Variants in CAMSAP2 observed in about 807,000 individuals in gnomAD.
The protein encoded by CAMSAP2 is calmodulin regulated spectrin associated protein family member 2, also known as calmodulin-regulated spectrin-associated protein 2.
CAMSAP2 carries 26 observed loss-of-function variants against 146.1 expected under a neutral mutation model. That is an observed-to-expected ratio of 0.18 (90% CI 0.13 to 0.25). The LOEUF (loss-of-function observed/expected upper bound fraction) is 0.25. Ranked by LOEUF, CAMSAP2 falls within the 10% of genes least tolerant of loss-of-function variation. CAMSAP2 has a pLI of 1.00. For synonymous variants in CAMSAP2, 499 were observed against 596.6 expected, an observed-to-expected ratio of 0.84 and a Z score of 2.38; for missense variants, 1,381 against 1,759.3, an observed-to-expected ratio of 0.78 and a Z score of 3.85.
chr1:200,768,346 G>A (rs1421048551), intron 2 of CAMSAP2, among the ~76,000 whole-genome samples: 2 of 152,206 alleles, frequency 1.3e-5, no homozygotes, highest in African/African-American at 2.4e-5. Flanking sequence ...AAAGGAAGCA[G>A]CTTAGTTGTG....
chr1:200,816,383 A>G (rs1426004160), intron 4 of CAMSAP2, among the ~76,000 whole-genome samples: 1 of 151,708 alleles, frequency 6.6e-6, no homozygotes, highest in Admixed American at 6.6e-5. Context: ...ACCTGAGGTC[A>G]GGAGTTTGAG....
chr1:200,829,933 AAATAAT>A (rs1288410119), intron 4 of CAMSAP2, among the ~76,000 whole-genome samples: 2 of 152,156 alleles, frequency 1.3e-5, no homozygotes, highest in Non-Finnish European at 1.5e-5. Context: ...TCTCCAAAAA[AAATAAT>A]AATAATAAAA....
intron 4 of CAMSAP2, among the ~76,000 whole-genome samples, chr1:200,819,868 G>A (rs1666702029): frequency 6.6e-6 from 1 of 152,016 alleles, no homozygotes; most frequent in Non-Finnish European, 1.5e-5. Context: ...GACTTTAACA[G>A]GGCCTTAGTA....
intron 1 of CAMSAP2, 138 bp from the exon 2 acceptor site, chr1:200,760,701 A>G: frequency 1.7e-6 from 1 of 592,816 alleles, no homozygotes; most frequent in South Asian, 3.5e-5. Flanking sequence ...TTAATGAATC[A>G]TCTTTTCAGT....
rs147424012 is a variant in CAMSAP2 at position 200,745,296 on chromosome 1, A to G, written c.139+5330A>G. ...AGTTGTGACAACCCAAAATGTCCCC[A>G]GACATCTCCAGATGTCTCCTGGGGA... On this transcript the variant is annotated intron_variant, in intron 1 of 16. Coordinates refer to ENST00000358823, the MANE Select transcript of CAMSAP2 (RefSeq NM_203459.4). Among the ~76,000 whole-genome samples the G allele has an allele frequency of 1.8e-3, 276 of 152,232 alleles. 2 individuals carry two copies. The highest frequency in any genetic ancestry group is 6.4e-3 in the African/African-American group (268 of 41,554).
intron 3 of CAMSAP2, among the ~76,000 whole-genome samples, chr1:200,814,148 G>GGGGGGGAGGGGTGGGCA (rs1666413585): frequency 8.0e-6 from 1 of 124,984 alleles, no homozygotes; most frequent in African/African-American, 3.0e-5. Context: ...AGGGGTGGGC[G>GGGGGGGAGGGGTGGGCA]GGTGGGGAAT....
At chr1:200,847,930 TG>T in intron 10 of CAMSAP2, 101 bp from the exon 11 acceptor site, 2 of 922,560 alleles carry the variant, frequency 2.2e-6, no homozygotes, top group Non-Finnish European at 3.2e-6. Context: ...TTATGAGAAC[TG>T]GGGAAAGAAA....
At chr1:200,752,649 G>A (rs975108808) in intron 1 of CAMSAP2, among the ~76,000 whole-genome samples, 3 of 147,564 alleles carry the variant, frequency 2.0e-5, no homozygotes, top group Non-Finnish European at 4.4e-5. Context: ...ATGGAGTCTC[G>A]CTCTGTCGCC....
At chr1:200,801,657 C>T (rs998471449) in intron 2 of CAMSAP2, among the ~76,000 whole-genome samples, 7 of 152,020 alleles carry the variant, frequency 4.6e-5, no homozygotes, top group Non-Finnish European at 1.0e-4. Context: ...TCTAATCTTG[C>T]CTTCATGCTT....
intron 7 of CAMSAP2, among the ~76,000 whole-genome samples, chr1:200,844,218 T>C (rs931110954): frequency 3.9e-5 from 6 of 152,076 alleles, no homozygotes; most frequent in South Asian, 2.1e-4. Flanking sequence ...TTAGGCTTTT[T>C]CCCCCTAATT....
rs575084863 is a variant in CAMSAP2, at chr1:200,783,581, C to G, written c.399+22483C>G. 4.6e-5 allele frequency among the ~76,000 whole-genome samples: 7 copies of G among 152,268 alleles called. No individual in the cohort carries two copies. The East Asian group carries it at 1.4e-3, about 29-fold the overall frequency. ...CACTGCAGCCTCGACTTCCTAGCCT[C>G]TATCAATCCTCCCTCTTCAGCCTCC... On this transcript the variant is annotated intron_variant, in intron 2 of 16. Transcript: ENST00000358823.
intron 1 of CAMSAP2, among the ~76,000 whole-genome samples, chr1:200,753,994 C>T (rs1340320986): frequency 1.3e-5 from 2 of 152,166 alleles, no homozygotes. Context: ...AGTCTCCTTA[C>T]CCCCATTTCT....
chr1:200,754,108 G>A (rs915141138), intron 1 of CAMSAP2, among the ~76,000 whole-genome samples: 1 of 152,216 alleles, frequency 6.6e-6, no homozygotes, highest in African/African-American at 2.4e-5. Flanking sequence ...AAATGTCTGA[G>A]CATTATGTTG....
chr1:200,806,438 G>A (rs1338588139), intron 2 of CAMSAP2, among the ~76,000 whole-genome samples: 1 of 152,158 alleles, frequency 6.6e-6, no homozygotes, highest in Non-Finnish European at 1.5e-5. Context: ...CAAAAATGTG[G>A]AGAAACAGGC....
chr1:200,857,866 C>T lies in CAMSAP2; in HGVS notation c.4244C>T (p.Thr1415Ile), dbSNP rs759547919. Reference protein sequence around the residue: ...CPETEEINKLTGIGPKSITKK... With the variant: ...CPETEEINKLIGIGPKSITKK... ...GAAACTGAAGAAATCAATAAACTGA[C>T]TGGGATAGGCCCTAAATCTATCACT... The change falls in exon 17 of 17, where the codon ACT becomes ATT. Residue 1415 changes from threonine (T) to isoleucine (I), a missense_variant. This residue lies in a region of CAMSAP2 where 90 missense variants were observed against 174.4 expected (regional missense o/e 0.52). Transcript: ENST00000358823. The surrounding 1 kb of genome is among the most constrained non-coding windows in gnomAD (Gnocchi z 4.7). 1 of 1,613,748 alleles carries T rather than the reference C, an allele frequency of 6.2e-7. No individual in the cohort carries two copies. Among genetic ancestry groups the T allele is most frequent in the Non-Finnish European group, 8.5e-7 (1 of 1,179,762 alleles).
At position 200,832,917 on chromosome 1, in the gene CAMSAP2, C is replaced by T. The variant is rs78225055; in HGVS notation, c.927+72C>T. 0.12 allele frequency: 157,090 copies of T among 1,331,446 alleles called. 14,220 individuals are homozygous for T. Among genetic ancestry groups the T allele is most frequent in the East Asian group, 0.33 (13,374 of 40,080 alleles). 82.5% of individuals were successfully genotyped at this position (1,331,446 alleles called of 1,614,324 possible). ...TTTTTTAAAAAACAAACAAAAACAC[C>T]GGGAACAGTGGCTCATGCCTGTAAT... On this transcript the variant is annotated intron_variant, in intron 6 of 16. Coordinates refer to ENST00000358823, the MANE Select transcript of CAMSAP2 (RefSeq NM_203459.4). This position sits in a 1 kb window ranked among gnomAD's most constrained non-coding sequence, Gnocchi z 4.2.
chr1:200,829,010 C>T (rs1269627382), intron 4 of CAMSAP2, among the ~76,000 whole-genome samples: 1 of 151,976 alleles, frequency 6.6e-6, no homozygotes, highest in Non-Finnish European at 1.5e-5. Context: ...ACAAAATTAG[C>T]TGGGCGTGGT....
At chr1:200,742,793 G>A (rs1664216733) in intron 1 of CAMSAP2, among the ~76,000 whole-genome samples, 2 of 151,840 alleles carry the variant, frequency 1.3e-5, no homozygotes, top group Non-Finnish European at 2.9e-5. Flanking sequence ...TGTTGTAAAA[G>A]TCATTTAAAA....
intron 2 of CAMSAP2, among the ~76,000 whole-genome samples, chr1:200,801,818 G>A (rs1666043397): frequency 6.6e-6 from 1 of 152,208 alleles, no homozygotes. Context: ...ACTCTTAAGT[G>A]TAGGTGGTAT....
Sources: gnomAD v4.1 joint callset for allele counts (sites outside exome capture counted in the v4.1 genomes callset) on GRCh38, gnomAD v4.1.1 for gene constraint, gnomAD v4.1.1 regional missense constraint, Gnocchi (gnomAD v3.1) non-coding constraint, MANE v1.5 for transcripts, NCBI Gene and HGNC (gene_info 2026-07-23, HGNC 2026-07-21) for gene names.